Variants in RHOJ observed in about 807,000 individuals in gnomAD.
RHOJ encodes the protein ras homolog family member J.
RHOJ carries 11 observed loss-of-function variants against 23.4 expected under a neutral mutation model. The observed-to-expected ratio is 0.47, with a 90% CI of 0.30 to 0.78. RHOJ has a LOEUF of 0.78. Ranked by LOEUF, RHOJ falls within the 30% of genes least tolerant of loss-of-function variation. The probability of loss-of-function intolerance (pLI) is 0.08; values close to 1 mark genes in which losing one functional copy is unlikely to be tolerated. For missense variants in RHOJ, 254 were observed against 273.4 expected (o/e 0.93, Z 0.50); for synonymous variants, 102 against 102.7 (o/e 0.99, Z 0.04).
intron 1 of RHOJ, among the ~76,000 whole-genome samples, chr14:63,221,825 A>G (rs1022455763): frequency 5.3e-5 from 8 of 152,144 alleles, no homozygotes; most frequent in Admixed American, 5.2e-4. Context: ...AGAAGAATGC[A>G]ACATTTTTTT....
chr14:63,270,092 G>C (rs1189564113), intron 2 of RHOJ, among the ~76,000 whole-genome samples: 2 of 151,524 alleles, frequency 1.3e-5, no homozygotes, highest in African/African-American at 4.9e-5. Flanking sequence ...AAATTCTTTG[G>C]AGTGAACATT....
At chr14:63,257,163 A>G in intron 1 of RHOJ, among the ~76,000 whole-genome samples, 1 of 143,426 alleles carries the variant, frequency 7.0e-6, no homozygotes. Context: ...GTTTAAAACC[A>G]GGAGCTGGAG....
At chr14:63,266,232 T>A (rs997049174) in intron 1 of RHOJ, among the ~76,000 whole-genome samples, 1 of 152,160 alleles carries the variant, frequency 6.6e-6, no homozygotes, top group Admixed American at 6.5e-5. Context: ...TAGAGTCAGG[T>A]TGCAATTTGG....
intron 1 of RHOJ, among the ~76,000 whole-genome samples, chr14:63,245,027 C>T (rs906640164): frequency 6.6e-6 from 1 of 152,230 alleles, no homozygotes; most frequent in Non-Finnish European, 1.5e-5. Context: ...CCAGGGCTTG[C>T]TGGCTATATG....
intron 1 of RHOJ, among the ~76,000 whole-genome samples, chr14:63,225,661 C>T (rs1236645290): frequency 3.3e-5 from 5 of 152,026 alleles, no homozygotes; most frequent in Admixed American, 6.6e-5. Flanking sequence ...CAGACTCTAA[C>T]GTATTTTGAA....
intron 1 of RHOJ, among the ~76,000 whole-genome samples, chr14:63,224,458 G>A (rs1447918598): frequency 6.6e-6 from 1 of 152,078 alleles, no homozygotes; most frequent in Non-Finnish European, 1.5e-5. Context: ...TGGGGGGAGG[G>A]GGATCGGCAC....
chr14:63,204,605 T>C lies in RHOJ; in HGVS notation c.-265T>C. On this transcript the variant is annotated 5_prime_UTR_variant, in exon 1 of 5. Coordinates refer to ENST00000316754, the MANE Select transcript of RHOJ (RefSeq NM_020663.5). ...CTGTTAGGAAGCCCCTCGAATTCTG[T>C]GAAAATGAGGGTTTCTTAACTCACA... 1 of 493,048 alleles carries C rather than the reference T, an allele frequency of 2.0e-6. No homozygotes were observed. Among genetic ancestry groups the C allele is most frequent in the South Asian group, 2.6e-5 (1 of 38,056 alleles). The allele number at this position is 493,048 out of a possible 1,614,324, so 30.5% of individuals were successfully genotyped here.
At chr14:63,281,933 A>T (rs750018325) in intron 3 of RHOJ, among the ~76,000 whole-genome samples, 5 of 152,174 alleles carry the variant, frequency 3.3e-5, no homozygotes, top group Non-Finnish European at 5.9e-5. Flanking sequence ...TTATTCATTT[A>T]TGTTCTTTTT....
chr14:63,291,136 C>A lies in RHOJ; in HGVS notation c.*112C>A. On this transcript the variant is annotated 3_prime_UTR_variant, in exon 5 of 5. Transcript: ENST00000316754. Reference sequence around the variant, plus strand: ...CGACCAGAAAGGAACTCCCTTTGCACGGAGGCTTGCCCCATCACCCTCTGA... The same window carrying A: ...CGACCAGAAAGGAACTCCCTTTGCAAGGAGGCTTGCCCCATCACCCTCTGA... The A allele has an allele frequency of 1.6e-6, 2 of 1,262,322 alleles. No individual in the cohort carries two copies. Among genetic ancestry groups the A allele is most frequent in the Non-Finnish European group, 2.3e-6 (2 of 880,786 alleles). 78.2% of individuals were successfully genotyped at this position (1,262,322 alleles called of 1,614,324 possible).
chr14:63,257,620 C>A (rs569509716), intron 1 of RHOJ, among the ~76,000 whole-genome samples: 1 of 149,888 alleles, frequency 6.7e-6, no homozygotes, highest in Non-Finnish European at 1.5e-5. Flanking sequence ...CAGTAGCCCA[C>A]GGCTCCCTAC....
chr14:63,251,384 T>C (rs1279223872), intron 1 of RHOJ, among the ~76,000 whole-genome samples: 1 of 152,200 alleles, frequency 6.6e-6, no homozygotes, highest in Non-Finnish European at 1.5e-5. Context: ...TTACTCAAGA[T>C]CACATTTAGA....
chr14:63,236,256 A>G (rs1031254986), intron 1 of RHOJ, among the ~76,000 whole-genome samples: 3 of 152,180 alleles, frequency 2.0e-5, no homozygotes, highest in East Asian at 1.9e-4. Flanking sequence ...TAAGCCAGCT[A>G]TGGTGGTAGA....
chr14:63,236,126 C>T (rs190695176), intron 1 of RHOJ, among the ~76,000 whole-genome samples: 84 of 152,292 alleles, frequency 5.5e-4, no homozygotes, highest in Admixed American at 7.9e-4. Context: ...CTTACTCTGA[C>T]CCTACAGAAT....
chr14:63,242,782 C>A (rs1172885071), intron 1 of RHOJ, among the ~76,000 whole-genome samples: 1 of 152,152 alleles, frequency 6.6e-6, no homozygotes, highest in Non-Finnish European at 1.5e-5. Flanking sequence ...TCATCCAAAC[C>A]AAACTCCACT....
In RHOJ at chr14:63,204,823, A is replaced by C; in HGVS notation, c.-47A>C. On this transcript the variant is annotated 5_prime_UTR_variant, in exon 1 of 5. Coordinates refer to ENST00000316754, the MANE Select transcript of RHOJ (RefSeq NM_020663.5). ...CCGCTTCATGTGCTTTGGAAAAAGC[A>C]GGAGAAGCAATAGCAGCAGGAGTCC... 6.4e-7 allele frequency: 1 copy of C among 1,565,154 alleles called. No homozygotes were observed. Among genetic ancestry groups the C allele is most frequent in the South Asian group, 1.2e-5 (1 of 86,010 alleles).
intron 1 of RHOJ, among the ~76,000 whole-genome samples, chr14:63,252,005 G>A (rs921838033): frequency 2.6e-5 from 4 of 151,932 alleles, no homozygotes; most frequent in South Asian, 2.1e-4. Flanking sequence ...AGAATCACCC[G>A]AACCCAGGAG....
At chr14:63,276,326 C>A (rs573306905) in intron 2 of RHOJ, among the ~76,000 whole-genome samples, 1 of 152,288 alleles carries the variant, frequency 6.6e-6, no homozygotes, top group Admixed American at 6.5e-5. Context: ...ATTAGCTAAT[C>A]TTTAAGGCCT....
chr14:63,284,416 G>A, intron 4 of RHOJ: 2 of 911,196 alleles, frequency 2.2e-6, no homozygotes, highest in South Asian at 5.0e-5. Context: ...TCTCACTTCA[G>A]CCTCATAATA....
Position 63,211,193 on chromosome 14 carries a change from G to GA in RHOJ, c.178+6152dup, listed in dbSNP as rs202077571. Among the ~76,000 whole-genome samples, 654 of 151,222 alleles carry GA rather than the reference G, an allele frequency of 4.3e-3. 18 individuals are homozygous for GA. The highest frequency in any genetic ancestry group is 0.034 in the Admixed American group (515 of 15,184). On this transcript the variant is annotated intron_variant, in intron 1 of 4. Coordinates refer to ENST00000316754, the MANE Select transcript of RHOJ (RefSeq NM_020663.5). ...GGGAAACAGGTCCAATCCACAGGGG[G>GA]AAAAAATAACATAATTATAATAAAT...
Sources: allele counts gnomAD v4.1 joint callset (sites outside exome capture counted in the v4.1 genomes callset), GRCh38; gene constraint gnomAD v4.1.1; transcripts MANE v1.5; gene names NCBI Gene and HGNC (gene_info 2026-07-23, HGNC 2026-07-21).